TBC1D12: variants seen among roughly 807,000 people sequenced by gnomAD.
TBC1D12 encodes TBC1 domain family, member 12.
In TBC1D12, 56 loss-of-function variants were observed where a neutral mutation model predicts 86.7. The observed-to-expected ratio is 0.65, with a 90% CI of 0.52 to 0.81. The LOEUF (loss-of-function observed/expected upper bound fraction) is 0.81. Ranked by LOEUF, TBC1D12 falls within the 30% of genes least tolerant of loss-of-function variation. The pLI, the probability that TBC1D12 is intolerant of heterozygous loss-of-function variation, is 0.00. For synonymous variants in TBC1D12, 421 were observed against 411.7 expected, an observed-to-expected ratio of 1.02 and a Z score of -0.27; for missense variants, 1,023 against 1,038.8, an observed-to-expected ratio of 0.98 and a Z score of 0.21.
At chr10:94,496,618 A>G (rs2056324817) in intron 4 of TBC1D12, among the ~76,000 whole-genome samples, 2 of 152,164 alleles carry the variant, frequency 1.3e-5, no homozygotes, top group Non-Finnish European at 2.9e-5. Flanking sequence ...GTAAATAGAA[A>G]TATGTGATAA....
intron 4 of TBC1D12, among the ~76,000 whole-genome samples, chr10:94,493,889 T>A (rs1285514479): frequency 6.6e-6 from 1 of 152,114 alleles, no homozygotes; most frequent in Non-Finnish European, 1.5e-5. Context: ...GAAATTACAG[T>A]CATAAAACTT....
intron 1 of TBC1D12, among the ~76,000 whole-genome samples, chr10:94,433,802 T>G (rs2134079673): frequency 6.6e-6 from 1 of 152,342 alleles, no homozygotes; most frequent in East Asian, 1.9e-4. Flanking sequence ...CTTAAGCCCT[T>G]CTATTTTATG....
At chr10:94,522,539 A>C in intron 11 of TBC1D12, 86 bp downstream of exon 11, 1,057 of 584,280 alleles carry the variant, frequency 1.8e-3, no homozygotes, top group East Asian at 4.0e-3. Flanking sequence ...AGTAAATCTC[A>C]TGTGCAGGAT....
intron 3 of TBC1D12, among the ~76,000 whole-genome samples, chr10:94,481,856 A>G (rs1052115282): frequency 6.6e-6 from 1 of 152,162 alleles, no homozygotes; most frequent in African/African-American, 2.4e-5. Context: ...TTATGGGATA[A>G]ATGAGATACT....
chr10:94,526,880 C>G (rs1006206346), intron 11 of TBC1D12, among the ~76,000 whole-genome samples: 1 of 152,166 alleles, frequency 6.6e-6, no homozygotes, highest in Non-Finnish European at 1.5e-5. Context: ...TTCTTTGCAT[C>G]CTTGCCAGCA....
At chr10:94,531,660 T>TTATTG (rs1388174169) in intron 12 of TBC1D12, among the ~76,000 whole-genome samples, 200 bp downstream of exon 12, 1 of 143,142 alleles carries the variant, frequency 7.0e-6, no homozygotes, top group Non-Finnish European at 1.5e-5. Flanking sequence ...TTATTTTATT[T>TTATTG]TATTTTATTT....
intron 2 of TBC1D12, among the ~76,000 whole-genome samples, chr10:94,442,457 A>C (rs2055396318): frequency 6.6e-6 from 1 of 152,142 alleles, no homozygotes. Flanking sequence ...TTCCTTTGTC[A>C]CTTTTCTGGT....
intron 10 of TBC1D12, 24 bp from the exon 11 acceptor site, chr10:94,522,320 T>A (rs755313620): frequency 8.0e-7 from 1 of 1,255,692 alleles, no homozygotes; most frequent in African/African-American, 1.5e-5. Context: ...ACTTTCATAA[T>A]TTTATTGATT....
At position 94,425,209 on chromosome 10, in the gene TBC1D12, A is replaced by G. The variant is rs538063294; in HGVS notation, c.972-16687A>G. ...GAGGGTGTGACTGTAAAGAGATAGC[A>G]TGGGGAGTTTTTTGTTTGCTTTCTC... On this transcript the variant is annotated intron_variant, in intron 1 of 12. Transcript: ENST00000225235. Among the ~76,000 whole-genome samples the G allele has an allele frequency of 6.6e-5, 10 of 152,260 alleles. 1 individual carries two copies. Among genetic ancestry groups the G allele is most frequent in the Admixed American group, 2.6e-4 (4 of 15,286 alleles).
intron 1 of TBC1D12, among the ~76,000 whole-genome samples, chr10:94,418,882 CT>C (rs945251223): frequency 1.4e-5 from 2 of 142,906 alleles, no homozygotes; most frequent in Non-Finnish European, 1.5e-5. Context: ...TTTTTTTTTT[CT>C]TTTTTTTTCG....
chr10:94,447,564 A>T, intron 2 of TBC1D12: 1 of 961,478 alleles, frequency 1.0e-6, no homozygotes, highest in Non-Finnish European at 1.2e-6. Context: ...TTAACTTGAT[A>T]ATCAATTCCA....
intron 2 of TBC1D12, among the ~76,000 whole-genome samples, chr10:94,460,533 T>G (rs1252938840): frequency 6.6e-6 from 1 of 152,138 alleles, no homozygotes. Flanking sequence ...TTTTTGATTT[T>G]ATTTTCTGAA....
chr10:94,473,353 T>A lies in TBC1D12; in HGVS notation c.1096-1315T>A, dbSNP rs191353946. Among the ~76,000 whole-genome samples, 158 of 138,860 alleles carry A rather than the reference T, an allele frequency of 1.1e-3. 3 individuals carry two copies. The East Asian group carries it at 0.032, about 28-fold the overall frequency. The allele number at this position is 138,860 out of a possible 152,430, so 91.1% of individuals were successfully genotyped here. A position where few individuals can be genotyped will look rare whatever the true frequency, so the allele number is the denominator to read the frequency against. ...CCAGCCTGGGCAACAAGAGCATAAC[T>A]CCATCTCAAAAAAAAAAAAGAAGAA... is the stretch of plus-strand genomic sequence containing the variant. On this transcript the variant is annotated intron_variant, in intron 2 of 12. Transcript: ENST00000225235.
chr10:94,498,015 G>A (rs963389259), intron 5 of TBC1D12, among the ~76,000 whole-genome samples: 5 of 151,826 alleles, frequency 3.3e-5, no homozygotes, highest in Admixed American at 2.6e-4. Context: ...GTAGAGACGG[G>A]GTTTCACCAT....
intron 1 of TBC1D12, among the ~76,000 whole-genome samples, chr10:94,424,913 G>T (rs1372456399): frequency 6.6e-6 from 1 of 152,154 alleles, no homozygotes; most frequent in Non-Finnish European, 1.5e-5. Flanking sequence ...CAGTCAATGG[G>T]GCCAGGTAAG....
rs1294475978 is a variant in TBC1D12 at position 94,533,071 on chromosome 10, A to G, written c.2303A>G (p.Asn768Ser). ...VMKDIKEGDK[N>S]SSPALKS is the part of the protein sequence containing the mutation. ...AAGGATATTAAAGAAGGAGACAAGAACAGTAGTCCTGCTTTGAAAAGCTAG... is the reference window on the plus strand; with the variant it reads ...AAGGATATTAAAGAAGGAGACAAGAGCAGTAGTCCTGCTTTGAAAAGCTAG... Residue 768 changes from asparagine to serine, a missense_variant, in exon 13 of 13, where the codon AAC becomes AGC. By Grantham distance (46) the Asn-to-Ser change is conservative. Coordinates refer to ENST00000225235, the MANE Select transcript of TBC1D12 (RefSeq NM_015188.2). 6.3e-7 allele frequency: 1 copy of G among 1,595,690 alleles called. No individual in the cohort carries two copies. The highest frequency in any genetic ancestry group is 8.5e-7 in the Non-Finnish European group (1 of 1,171,178).
intron 1 of TBC1D12, among the ~76,000 whole-genome samples, chr10:94,416,517 A>G (rs994188367): frequency 3.3e-5 from 5 of 152,230 alleles, no homozygotes; most frequent in Non-Finnish European, 7.3e-5. Flanking sequence ...TAAGATTGCT[A>G]CAGAACCCTT....
intron 1 of TBC1D12, among the ~76,000 whole-genome samples, chr10:94,432,417 A>G (rs544017364): frequency 6.6e-6 from 1 of 152,306 alleles, no homozygotes; most frequent in African/African-American, 2.4e-5. Context: ...TCCATATACA[A>G]TATTTGTAAT....
At chr10:94,511,095 CTTTTTTTTT>C (rs3053917) in intron 8 of TBC1D12, among the ~76,000 whole-genome samples, 21 of 66,834 alleles carry the variant, frequency 3.1e-4, no homozygotes, top group African/African-American at 1.2e-3. Context: ...GTAAATATTT[CTTTTTTTTT>C]TTTTTTTTTT....
Sources: allele counts gnomAD v4.1 joint callset (sites outside exome capture counted in the v4.1 genomes callset), GRCh38; gene constraint gnomAD v4.1.1; transcripts MANE v1.5; gene names NCBI Gene and HGNC (gene_info 2026-07-23, HGNC 2026-07-21).